Variants in FTCDNL1 observed in about 807,000 individuals in gnomAD.
FTCDNL1 encodes formiminotransferase cyclodeaminase N-terminal like.
In FTCDNL1, 11 loss-of-function variants were observed where a neutral mutation model predicts 5.9. That is an observed-to-expected ratio of 1.87 (90% confidence interval 1.18 to 3.10). The LOEUF is 3.10. Among genes scored for constraint, FTCDNL1 ranks in the 30% most tolerant of loss-of-function variants. The pLI, the probability that FTCDNL1 is intolerant of heterozygous loss-of-function variation, is 0.00. For synonymous variants in FTCDNL1, 58 were observed against 24.8 expected (o/e 2.34, Z -3.99); for missense variants, 115 against 65.5 (o/e 1.76, Z -2.61).
At chr2:199,735,717 G>C in the FTCDNL1 span, among the ~76,000 whole-genome samples, 3 of 152,130 alleles carry the variant, frequency 2.0e-5, no homozygotes, top group Non-Finnish European at 4.4e-5. Context: ...AGACGCCATA[G>C]CTGTGTTCTT....
At chr2:199,746,905 C>T in the FTCDNL1 span, among the ~76,000 whole-genome samples, 1 of 152,118 alleles carries the variant, frequency 6.6e-6, no homozygotes, top group African/African-American at 2.4e-5. Context: ...CTCCCTCACG[C>T]CTCCCACTAC....
intron 2 of FTCDNL1, among the ~76,000 whole-genome samples, chr2:199,846,552 T>C (rs1050113829): frequency 6.6e-6 from 1 of 152,176 alleles, no homozygotes; most frequent in African/African-American, 2.4e-5. Context: ...AATATTTCCT[T>C]CCAAAATCCA....
At chr2:199,752,780 GTA>G in the FTCDNL1 span, among the ~76,000 whole-genome samples, 15,851 of 55,678 alleles carry the variant, frequency 0.28, 1,120 homozygotes, top group South Asian at 0.42. Context: ...GTGTGTGTGT[GTA>G]TGTGTGTGTG....
chr2:199,724,461 T>A, the FTCDNL1 span, among the ~76,000 whole-genome samples: 1 of 152,116 alleles, frequency 6.6e-6, no homozygotes, highest in Non-Finnish European at 1.5e-5. Flanking sequence ...CCTAGTTCTT[T>A]TAGTTGTGAC....
chr2:199,781,760 T>C (rs1416789322), intron 3 of FTCDNL1, among the ~76,000 whole-genome samples: 1 of 137,498 alleles, frequency 7.3e-6, no homozygotes, highest in African/African-American at 2.5e-5. Context: ...AGGTATTGTT[T>C]TTTTTTCTTG....
the FTCDNL1 span, among the ~76,000 whole-genome samples, chr2:199,693,934 A>C: frequency 1.3e-5 from 2 of 152,198 alleles, no homozygotes; most frequent in African/African-American, 4.8e-5. Flanking sequence ...TAGGATGTGT[A>C]GAGAATTTAT....
At chr2:199,720,251 C>G in the FTCDNL1 span, among the ~76,000 whole-genome samples, 1 of 152,146 alleles carries the variant, frequency 6.6e-6, no homozygotes, top group Non-Finnish European at 1.5e-5. Context: ...GGACTTCCCT[C>G]AAAGAATTTT....
chr2:199,741,383 C>T, the FTCDNL1 span, among the ~76,000 whole-genome samples: 2,485 of 152,216 alleles, frequency 0.016, 62 homozygotes, highest in East Asian at 0.16. Context: ...AAATATGTAC[C>T]TAATTAATTG....
At chr2:199,765,556 A>ATATTTTT in intron 3 of FTCDNL1, among the ~76,000 whole-genome samples, 25 of 42,648 alleles carry the variant, frequency 5.9e-4, no homozygotes, top group East Asian at 1.7e-3. Context: ...ATATATATAT[A>ATATTTTT]TTTTTTTTTT....
chr2:199,718,337 T>C, the FTCDNL1 span, among the ~76,000 whole-genome samples: 6 of 152,168 alleles, frequency 3.9e-5, no homozygotes, highest in Non-Finnish European at 8.8e-5. Flanking sequence ...CTTAGAATAG[T>C]GGCCTCCAGT....
At chr2:199,670,853 T>G in the FTCDNL1 span, among the ~76,000 whole-genome samples, 1 of 152,130 alleles carries the variant, frequency 6.6e-6, no homozygotes, top group East Asian at 1.9e-4. Flanking sequence ...CCAGATACAG[T>G]ACACAAGAGG....
At chr2:199,733,567 T>C in the FTCDNL1 span, among the ~76,000 whole-genome samples, 2 of 152,148 alleles carry the variant, frequency 1.3e-5, no homozygotes, top group African/African-American at 2.4e-5. Context: ...AGCTACTGTA[T>C]CTAGGAAAGC....
intron 3 of FTCDNL1, among the ~76,000 whole-genome samples, chr2:199,786,840 T>C (rs931428900): frequency 2.0e-5 from 3 of 152,182 alleles, no homozygotes; most frequent in Admixed American, 2.0e-4. Flanking sequence ...TTTGTTATCT[T>C]ACAGTTCTGG....
the FTCDNL1 span, among the ~76,000 whole-genome samples, chr2:199,667,756 G>T: frequency 6.6e-6 from 1 of 152,170 alleles, no homozygotes; most frequent in Admixed American, 6.5e-5. Context: ...TAATGTGTCT[G>T]AGTCTAAATT....
At chr2:199,680,238 T>A in the FTCDNL1 span, among the ~76,000 whole-genome samples, 1 of 152,192 alleles carries the variant, frequency 6.6e-6, no homozygotes, top group Non-Finnish European at 1.5e-5. Context: ...AACCTCAATA[T>A]AAGCAAACCA....
At chr2:199,692,895 C>A in the FTCDNL1 span, among the ~76,000 whole-genome samples, 1 of 152,238 alleles carries the variant, frequency 6.6e-6, no homozygotes, top group African/African-American at 2.4e-5. Flanking sequence ...ACCAAACAAA[C>A]TGCTCTGCAG....
chr2:199,794,924 A>G (rs539501949), intron 3 of FTCDNL1, among the ~76,000 whole-genome samples: 1 of 152,220 alleles, frequency 6.6e-6, no homozygotes, highest in African/African-American at 2.4e-5. Context: ...CAATGCATTC[A>G]TGTTGTTGTC....
chr2:199,713,244 G>A, the FTCDNL1 span, among the ~76,000 whole-genome samples: 1 of 152,006 alleles, frequency 6.6e-6, no homozygotes, highest in Admixed American at 6.6e-5. Context: ...CACTAGTCAA[G>A]ATGGAATAAT....
chr2:199,665,400 G>A, the FTCDNL1 span, among the ~76,000 whole-genome samples: 7 of 152,118 alleles, frequency 4.6e-5, no homozygotes, highest in Non-Finnish European at 7.4e-5. Flanking sequence ...GACAGGCCGA[G>A]GCAGGCAGAT....
Sources: gnomAD v4.1 joint callset for allele counts (sites outside exome capture counted in the v4.1 genomes callset) on GRCh38, gnomAD v4.1.1 for gene constraint, MANE v1.5 for transcripts, NCBI Gene and HGNC (gene_info 2026-07-23, HGNC 2026-07-21) for gene names.